Variants in NRG3 observed in about 807,000 individuals in gnomAD.
NRG3 encodes pro-neuregulin-3, membrane-bound isoform.
Under a neutral mutation model 66.9 loss-of-function variants are expected in NRG3, and 31 were observed. That is an observed-to-expected ratio of 0.46 (90% CI 0.35 to 0.63). The LOEUF is 0.63. NRG3 is among the 20% of genes least tolerant of loss of function. The probability of loss-of-function intolerance (pLI) is 0.00; values close to 1 mark genes in which losing one functional copy is unlikely to be tolerated. For synonymous variants in NRG3, 393 were observed against 359.4 expected (o/e 1.09, Z -1.06); for missense variants, 910 against 878.9 (o/e 1.04, Z -0.45).
Position 82,099,643 on chromosome 10 carries a change from T to G in NRG3, c.823+223480T>G, listed in dbSNP as rs566534963. 2.0e-5 allele frequency among the ~76,000 whole-genome samples: 3 copies of G among 152,176 alleles called. No individual in the cohort carries two copies. In the South Asian group the frequency reaches 6.2e-4, roughly 32 times the overall value. ...ACCTTGAGGTATTGTGTAGACTCTA[T>G]TGATCAATTTTTAGGAACATTGATA... On this transcript the variant is annotated intron_variant, in intron 1 of 8. Coordinates refer to ENST00000372141, the MANE Select transcript of NRG3 (RefSeq NM_001010848.4).
chr10:82,681,924 C>T (rs776790340), intron 2 of NRG3, among the ~76,000 whole-genome samples: 4 of 152,320 alleles, frequency 2.6e-5, no homozygotes, highest in Non-Finnish European at 4.4e-5. Context: ...CTGATACCTG[C>T]ATTTCTCTTT....
intron 2 of NRG3, among the ~76,000 whole-genome samples, chr10:82,431,013 AAT>A (rs1208718735): frequency 4.6e-5 from 7 of 152,162 alleles, no homozygotes; most frequent in African/African-American, 1.4e-4. Flanking sequence ...GATCCCCAGG[AAT>A]ATGTTAGACC....
intron 1 of NRG3, among the ~76,000 whole-genome samples, chr10:82,349,567 C>T (rs1344007782): frequency 1.3e-5 from 2 of 152,138 alleles, no homozygotes; most frequent in South Asian, 2.1e-4. Context: ...GGCAGGCAGG[C>T]CTCCTTGAGC....
intron 1 of NRG3, among the ~76,000 whole-genome samples, chr10:81,942,271 C>T (rs573439195): frequency 1.3e-5 from 2 of 152,072 alleles, no homozygotes; most frequent in South Asian, 2.1e-4. Flanking sequence ...ATTGTGAACA[C>T]GTTCTTGGAA....
intron 1 of NRG3, among the ~76,000 whole-genome samples, chr10:82,251,144 A>G (rs563710840): frequency 6.6e-6 from 1 of 152,284 alleles, no homozygotes; most frequent in East Asian, 1.9e-4. Context: ...GAATAGTGAA[A>G]GTATTCTCCA....
chr10:82,709,546 T>G (rs1170237627), intron 2 of NRG3, among the ~76,000 whole-genome samples: 1 of 152,112 alleles, frequency 6.6e-6, no homozygotes, highest in African/African-American at 2.4e-5. Context: ...CATCCCCAGC[T>G]GATTTTTGTA....
At chr10:82,290,431 C>T (rs899707742) in intron 1 of NRG3, among the ~76,000 whole-genome samples, 3 of 152,052 alleles carry the variant, frequency 2.0e-5, no homozygotes, top group Non-Finnish European at 4.4e-5. Flanking sequence ...ATTTATACTG[C>T]GAATTAACAC....
At chr10:82,306,639 G>A (rs189177537) in intron 1 of NRG3, among the ~76,000 whole-genome samples, 1 of 140,476 alleles carries the variant, frequency 7.1e-6, no homozygotes, top group East Asian at 2.2e-4. Context: ...AAGAGGCAGA[G>A]CTTTCAGTGA....
chr10:82,811,816 G>T (rs1028904849), intron 3 of NRG3, among the ~76,000 whole-genome samples: 1 of 152,162 alleles, frequency 6.6e-6, no homozygotes, highest in Admixed American at 6.5e-5. Flanking sequence ...AGTCCTCCAG[G>T]GGGCAGGCTT....
chr10:82,564,339 T>C (rs2045252349), intron 2 of NRG3, among the ~76,000 whole-genome samples: 1 of 152,192 alleles, frequency 6.6e-6, no homozygotes, highest in Non-Finnish European at 1.5e-5. Flanking sequence ...TCTGAATTGA[T>C]TAAAACTTCC....
intron 2 of NRG3, among the ~76,000 whole-genome samples, chr10:82,583,063 T>A (rs993815553): frequency 6.6e-6 from 1 of 152,162 alleles, no homozygotes; most frequent in African/African-American, 2.4e-5. Flanking sequence ...TTTAGGCAGT[T>A]TGGAGAAAGA....
At chr10:82,782,262 A>G (rs2060147376) in intron 3 of NRG3, among the ~76,000 whole-genome samples, 1 of 152,146 alleles carries the variant, frequency 6.6e-6, no homozygotes, top group African/African-American at 2.4e-5. Context: ...GTTAGTTCTC[A>G]CAGGATTGGG....
At chr10:82,221,168 G>C (rs2075923500) in intron 1 of NRG3, among the ~76,000 whole-genome samples, 1 of 151,568 alleles carries the variant, frequency 6.6e-6, no homozygotes, top group Non-Finnish European at 1.5e-5. Context: ...TTTGATTGTG[G>C]AGTAGGCTTG....
intron 1 of NRG3, among the ~76,000 whole-genome samples, chr10:82,219,006 G>T (rs1166230562): frequency 6.6e-6 from 1 of 151,874 alleles, no homozygotes; most frequent in East Asian, 1.9e-4. Context: ...TCCATTATTA[G>T]AATTCTTTCA....
chr10:82,612,831 TG>T (rs1378862185), intron 2 of NRG3, among the ~76,000 whole-genome samples: 1 of 152,222 alleles, frequency 6.6e-6, no homozygotes, highest in South Asian at 2.1e-4. Flanking sequence ...ATTCAAAATA[TG>T]TATTAGTGTT....
intron 2 of NRG3, among the ~76,000 whole-genome samples, chr10:82,588,572 G>A (rs2086479): frequency 1.6e-4 from 24 of 151,738 alleles, no homozygotes; most frequent in African/African-American, 5.6e-4. Flanking sequence ...GGACAATCTC[G>A]GCTTACTGCA....
chr10:82,645,776 G>T (rs1273203228), intron 2 of NRG3, among the ~76,000 whole-genome samples: 1 of 152,134 alleles, frequency 6.6e-6, no homozygotes, highest in Non-Finnish European at 1.5e-5. Context: ...CAAGAGTGTT[G>T]TATTGAGACC....
intron 1 of NRG3, among the ~76,000 whole-genome samples, chr10:82,181,298 G>A (rs1427971783): frequency 1.3e-5 from 2 of 151,474 alleles, no homozygotes; most frequent in African/African-American, 4.8e-5. Context: ...TTTGGATCCA[G>A]TTTGGTCTTT....
rs555492770 is a variant in NRG3 at position 82,887,196 on chromosome 10, T to A, written c.1054+21759T>A. Among the ~76,000 whole-genome samples, 3 of 152,272 alleles carry A rather than the reference T, an allele frequency of 2.0e-5. No homozygotes were observed. In the South Asian group the frequency reaches 6.2e-4, roughly 32 times the overall value. ...CATCTGTGTGTCCCTCATGCCCAGC[T>A]CAGAGATTAGGATAGAGCAAGCTCT... On this transcript the variant is annotated intron_variant, in intron 4 of 8. Transcript: ENST00000372141.
Sources: allele counts gnomAD v4.1 joint callset (sites outside exome capture counted in the v4.1 genomes callset), GRCh38; gene constraint gnomAD v4.1.1; transcripts MANE v1.5; gene names NCBI Gene and HGNC (gene_info 2026-07-23, HGNC 2026-07-21).